The following TSNAX variants were observed in gnomAD, a reference collection of about 807,000 sequenced individuals.
TSNAX encodes the protein translin-associated protein X.
A neutral mutation model predicts 33.0 loss-of-function variants in TSNAX; 12 were observed. That is an observed-to-expected ratio of 0.36 (90% CI 0.23 to 0.59). The LOEUF (loss-of-function observed/expected upper bound fraction) is 0.59, where lower values mean the gene tolerates loss of function less well. Ranked by LOEUF, TSNAX falls within the 20% of genes least tolerant of loss-of-function variation. TSNAX has a pLI of 0.74. For synonymous variants in TSNAX, 110 were observed against 117.2 expected (o/e 0.94, Z 0.40); for missense variants, 267 against 341.3 (o/e 0.78, Z 1.72).
intron 4 of TSNAX, among the ~76,000 whole-genome samples, chr1:231,560,170 G>A (rs1253639324): frequency 6.6e-6 from 1 of 151,218 alleles, no homozygotes; most frequent in Non-Finnish European, 1.5e-5. Flanking sequence ...TAGTAGAAAT[G>A]TGGTTTCACC....
At chr1:231,555,638 C>T (rs371982059) in intron 4 of TSNAX, among the ~76,000 whole-genome samples, 2 of 152,242 alleles carry the variant, frequency 1.3e-5, no homozygotes, top group East Asian at 1.9e-4. Context: ...AAAAATCAAA[C>T]GAATTCTAAC....
intron 4 of TSNAX, among the ~76,000 whole-genome samples, chr1:231,550,088 G>C (rs549504555): frequency 6.6e-5 from 10 of 152,148 alleles, no homozygotes; most frequent in Admixed American, 5.9e-4. Flanking sequence ...AGTCATATTC[G>C]ATAAAAGTAC....
At chr1:231,532,358 G>A (rs1658819233) in intron 2 of TSNAX, among the ~76,000 whole-genome samples, 2 of 151,778 alleles carry the variant, frequency 1.3e-5, no homozygotes, top group Admixed American at 6.6e-5. Flanking sequence ...CACGTGGCTA[G>A]TTTTTAGATT....
At chr1:231,546,089 A>G (rs927071874) in intron 4 of TSNAX, among the ~76,000 whole-genome samples, 13 of 152,104 alleles carry the variant, frequency 8.5e-5, no homozygotes, top group Admixed American at 5.2e-4. Flanking sequence ...TCTAATGTGT[A>G]ATCTCTTTAT....
At chr1:231,529,388 A>G (rs1318444219) in intron 2 of TSNAX, 29 bp downstream of exon 2, 1 of 1,604,586 alleles carries the variant, frequency 6.2e-7, no homozygotes, top group South Asian at 1.1e-5. Flanking sequence ...AAGTTGAAGA[A>G]GGGGAGAGAA....
rs1661087420 is a variant in TSNAX, at chr1:231,561,118, A to T, written c.368-10A>T. The T allele has an allele frequency of 6.2e-7, 1 of 1,602,244 alleles. No individual in the cohort carries two copies. Among genetic ancestry groups the T allele is most frequent in the South Asian group, 1.1e-5 (1 of 87,220 alleles). On this transcript the variant is annotated splice_polypyrimidine_tract_variant and intron_variant, in intron 4 of 5. Coordinates refer to ENST00000366639, the MANE Select transcript of TSNAX (RefSeq NM_005999.3). ...CTTATTCTTAGTAATTTTCTTTGTC[A>T]CGCTTTCAGGACTACAGGAATATGT...
chr1:231,548,984 G>C (rs1248081350), intron 4 of TSNAX, among the ~76,000 whole-genome samples: 1 of 152,220 alleles, frequency 6.6e-6, no homozygotes, highest in Non-Finnish European at 1.5e-5. Context: ...CTTAAGCCTT[G>C]TATGACAGGA....
rs1455475522 is a variant in TSNAX, at chr1:231,542,650, A to G, written c.367+39A>G. ...TGTTTCAGGGTAATATATATTTTAA[A>G]TGGTGTGCTACATGATTAACATGTG... is the stretch of plus-strand genomic sequence containing the variant. On this transcript the variant is annotated intron_variant, in intron 4 of 5. Transcript: ENST00000366639. 6 of 1,589,312 alleles carry G rather than the reference A, an allele frequency of 3.8e-6. No homozygotes were observed. In the East Asian group the frequency reaches 1.1e-4, roughly 30 times the overall value.
intron 2 of TSNAX, among the ~76,000 whole-genome samples, chr1:231,529,622 A>G (rs1658524214): frequency 6.6e-6 from 1 of 152,216 alleles, no homozygotes; most frequent in Admixed American, 6.5e-5. Flanking sequence ...TCACATACTC[A>G]AGAATTGTGT....
At position 231,566,370 on chromosome 1, in the gene TSNAX, C is replaced by G. The variant is rs998916266; in HGVS notation, c.*1465C>G. The G allele has an allele frequency of 8.5e-5, 13 of 152,564 alleles. No homozygotes were observed. The highest frequency in any genetic ancestry group is 3.1e-4 in the African/African-American group (13 of 41,532). 9.5% of individuals were successfully genotyped at this position (152,564 alleles called of 1,614,324 possible). A position where few individuals can be genotyped will look rare whatever the true frequency, so the allele number is the denominator to read the frequency against. On this transcript the variant is annotated 3_prime_UTR_variant, in exon 6 of 6. Transcript: ENST00000366639. ...TGTGAAACTGAATTGAGCATGACAA[C>G]CAGACATTTCCAGTTGGTTTTGTAA... is the stretch of plus-strand genomic sequence containing the variant.
chr1:231,559,813 GCT>G (rs1042265311), intron 4 of TSNAX, among the ~76,000 whole-genome samples: 50 of 150,868 alleles, frequency 3.3e-4, no homozygotes, highest in Non-Finnish European at 5.7e-4. Flanking sequence ...GTATTGCATA[GCT>G]CTCTTTTTTT....
chr1:231,552,833 A>G (rs1660414463), intron 4 of TSNAX, among the ~76,000 whole-genome samples: 1 of 152,196 alleles, frequency 6.6e-6, no homozygotes, highest in South Asian at 2.1e-4. Flanking sequence ...TATCTCATAT[A>G]AATTGAATCA....
chr1:231,551,678 C>G (rs1374105482), intron 4 of TSNAX, among the ~76,000 whole-genome samples: 1 of 151,634 alleles, frequency 6.6e-6, no homozygotes, highest in Non-Finnish European at 1.5e-5. Flanking sequence ...TGTAAAAACC[C>G]TGCCTAGGGC....
intron 4 of TSNAX, among the ~76,000 whole-genome samples, chr1:231,553,545 C>T (rs1184190159): frequency 6.6e-6 from 1 of 152,128 alleles, no homozygotes; most frequent in Admixed American, 6.5e-5. Context: ...TAGCGGATGT[C>T]CTTTTTATCA....
intron 4 of TSNAX, among the ~76,000 whole-genome samples, chr1:231,549,326 A>G (rs529246651): frequency 3.9e-5 from 6 of 152,198 alleles, no homozygotes; most frequent in African/African-American, 1.4e-4. Flanking sequence ...CACCTGAGGC[A>G]GGAGAATTGC....
At chr1:231,549,930 C>T (rs145912486) in intron 4 of TSNAX, among the ~76,000 whole-genome samples, 11 of 152,212 alleles carry the variant, frequency 7.2e-5, no homozygotes, top group African/African-American at 2.6e-4. Flanking sequence ...AGTCTGAGAT[C>T]GAGGTGTTGG....
chr1:231,538,616 A>G (rs1186322729), intron 3 of TSNAX, among the ~76,000 whole-genome samples: 1 of 152,252 alleles, frequency 6.6e-6, no homozygotes, highest in Non-Finnish European at 1.5e-5. Flanking sequence ...TGTCTCCAGA[A>G]GGGTAGCTGT....
At chr1:231,547,389 CTTTTTTTTT>C (rs71179784) in intron 4 of TSNAX, among the ~76,000 whole-genome samples, 27 of 104,700 alleles carry the variant, frequency 2.6e-4, no homozygotes, top group South Asian at 9.2e-4. Context: ...TTTTTTTTTT[CTTTTTTTTT>C]TTTTTTTTTT....
At position 231,537,198 on chromosome 1, in the gene TSNAX, A is replaced by C. The variant is rs779814572; in HGVS notation, c.122-15A>C. On this transcript the variant is annotated splice_polypyrimidine_tract_variant and intron_variant, in intron 2 of 5. Transcript: ENST00000366639. ...GTATAGAATATACATGCTTATGATC[A>C]TAATGTGTTTTTAGCATTTCAGCAG... is the stretch of plus-strand genomic sequence containing the variant. The C allele has an allele frequency of 5.7e-6, 9 of 1,565,472 alleles. No homozygotes were observed. The highest frequency in any genetic ancestry group is 7.0e-6 in the Non-Finnish European group (8 of 1,140,680).
Sources: allele counts gnomAD v4.1 joint callset (sites outside exome capture counted in the v4.1 genomes callset), GRCh38; gene constraint gnomAD v4.1.1; transcripts MANE v1.5; gene names NCBI Gene and HGNC (gene_info 2026-07-23, HGNC 2026-07-21).